STK3: variants seen among roughly 807,000 people sequenced by gnomAD.
STK3 encodes the protein serine/threonine kinase 3, also known as serine/threonine-protein kinase 3.
A neutral mutation model predicts 58.0 loss-of-function variants in STK3; 41 were observed. That is an observed-to-expected ratio of 0.71 (90% CI 0.55 to 0.92). The LOEUF (loss-of-function observed/expected upper bound fraction) is 0.92, where lower values mean the gene tolerates loss of function less well. Ranked by LOEUF, STK3 falls within the 40% of genes least tolerant of loss-of-function variation. The pLI is 0.00. For synonymous variants in STK3, 170 were observed against 191.0 expected (o/e 0.89, Z 0.91); for missense variants, 479 against 602.7 (o/e 0.79, Z 2.15).
chr8:98,589,899 G>T (rs1815120227), intron 7 of STK3, among the ~76,000 whole-genome samples: 1 of 152,230 alleles, frequency 6.6e-6, no homozygotes, highest in Admixed American at 6.5e-5. Flanking sequence ...GACTAGGAAA[G>T]GGAACCCCCT....
intron 10 of STK3, among the ~76,000 whole-genome samples, chr8:98,482,529 C>A (rs1821929989): frequency 6.6e-6 from 1 of 152,124 alleles, no homozygotes; most frequent in African/African-American, 2.4e-5. Flanking sequence ...GTAACTTTGT[C>A]CCCTATGAGA....
chr8:98,851,613 GAAGAA>G (rs1288895179), intron 3 of STK3, among the ~76,000 whole-genome samples: 2 of 152,084 alleles, frequency 1.3e-5, no homozygotes, highest in African/African-American at 4.8e-5. Context: ...GTTAAAAAAA[GAAGAA>G]GAGAAGGAGA....
At chr8:98,567,332 G>T (rs1387929865) in intron 8 of STK3, among the ~76,000 whole-genome samples, 1 of 152,134 alleles carries the variant, frequency 6.6e-6, no homozygotes, top group Non-Finnish European at 1.5e-5. Context: ...TGAGTAGCTG[G>T]GACTACAGGT....
At chr8:98,615,148 T>C (rs531524639) in intron 6 of STK3, among the ~76,000 whole-genome samples, 3 of 151,928 alleles carry the variant, frequency 2.0e-5, no homozygotes, top group Non-Finnish European at 4.4e-5. Context: ...AGTGGGTCCC[T>C]GACCCCTGAC....
chr8:98,363,552 T>C, the STK3 span, among the ~76,000 whole-genome samples: 2 of 152,140 alleles, frequency 1.3e-5, no homozygotes, highest in Admixed American at 6.5e-5. Context: ...AAACAATCAC[T>C]AAGTACCAGA....
intron 7 of STK3, among the ~76,000 whole-genome samples, chr8:98,582,984 T>C (rs1251100951): frequency 6.6e-6 from 1 of 152,166 alleles, no homozygotes; most frequent in Non-Finnish European, 1.5e-5. Flanking sequence ...TATCTTCCTT[T>C]ATATTATGTT....
downstream of STK3, among the ~76,000 whole-genome samples, chr8:98,366,540 G>A (rs750044124): frequency 6.6e-6 from 1 of 152,198 alleles, no homozygotes. Flanking sequence ...GTGAGGTAGG[G>A]ATCTAATGTT....
chr8:98,859,165 G>A lies in STK3; in HGVS notation c.110+24482C>T, dbSNP rs561064582. On this transcript the variant is annotated intron_variant, in intron 3 of 12. Coordinates refer to the STK3 transcript ENST00000523601. ...TTGAGTTAGCCTAGGGTTTCACTAT[G>A]AGAAAAGAATTAACATCAAGGTAGT... is the stretch of plus-strand genomic sequence containing the variant. Among the ~76,000 whole-genome samples the A allele has an allele frequency of 3.3e-5, 5 of 152,264 alleles. No homozygotes were observed. In the South Asian group the frequency reaches 1.0e-3, roughly 32 times the overall value.
At chr8:98,739,456 G>A (rs1828977508) in intron 4 of STK3, among the ~76,000 whole-genome samples, 1 of 150,624 alleles carries the variant, frequency 6.6e-6, no homozygotes, top group African/African-American at 2.5e-5. Context: ...CTGTTCTGCA[G>A]CCACCGCTGC....
At chr8:98,366,491 A>G (rs879836909), downstream of STK3, among the ~76,000 whole-genome samples, 2 of 152,216 alleles carry the variant, frequency 1.3e-5, no homozygotes, top group Admixed American at 6.5e-5. Context: ...TTGAGCATTT[A>G]GGTCCTTAAG....
intron 1 of STK3, among the ~76,000 whole-genome samples, chr8:98,895,586 T>G (rs180967202): frequency 1.3e-5 from 2 of 152,324 alleles, no homozygotes; most frequent in Non-Finnish European, 2.9e-5. Context: ...CTTTCTATGC[T>G]GCTGTCCTTA....
chr8:98,769,167 TAGA>T (rs930138127), intron 2 of STK3, among the ~76,000 whole-genome samples: 25 of 152,366 alleles, frequency 1.6e-4, no homozygotes, highest in Middle Eastern at 6.8e-3. Flanking sequence ...TAGTTTTTGG[TAGA>T]AGAAGTGTTT....
chr8:98,612,480 A>AATAT (rs58699516), intron 6 of STK3, among the ~76,000 whole-genome samples: 79 of 146,610 alleles, frequency 5.4e-4, no homozygotes, highest in African/African-American at 1.7e-3. Flanking sequence ...GAGAGATTCT[A>AATAT]ATATATATAT....
chr8:98,940,229 G>A (rs374524396), intron 1 of STK3, among the ~76,000 whole-genome samples: 13 of 152,212 alleles, frequency 8.5e-5, no homozygotes, highest in East Asian at 5.8e-4. Flanking sequence ...CCTCCCCCGG[G>A]ACCATCCTCA....
At chr8:98,637,908 T>G (rs942884930) in intron 6 of STK3, among the ~76,000 whole-genome samples, 1 of 152,184 alleles carries the variant, frequency 6.6e-6, no homozygotes, top group African/African-American at 2.4e-5. Context: ...TATTCATAAC[T>G]AAAAGCAATA....
At chr8:98,675,037 G>C (rs531126155) in intron 6 of STK3, among the ~76,000 whole-genome samples, 8 of 152,134 alleles carry the variant, frequency 5.3e-5, no homozygotes, top group Non-Finnish European at 8.8e-5. Flanking sequence ...GATGCATGTA[G>C]CCTTCACTGT....
intron 7 of STK3, among the ~76,000 whole-genome samples, chr8:98,594,412 C>G (rs1270758690): frequency 6.6e-6 from 1 of 151,922 alleles, no homozygotes; most frequent in Admixed American, 6.6e-5. Context: ...CCAGCCTGAT[C>G]AACATGGCGA....
chr8:98,660,478 C>A (rs968137652), intron 6 of STK3, among the ~76,000 whole-genome samples: 1 of 151,880 alleles, frequency 6.6e-6, no homozygotes, highest in Non-Finnish European at 1.5e-5. Context: ...GATCTGTGCA[C>A]AATTTTTCTT....
intron 6 of STK3, chr8:98,633,695 C>T (rs185272289): frequency 1.5e-6 from 1 of 688,416 alleles, no homozygotes; most frequent in Admixed American, 2.1e-5. Flanking sequence ...TTAGAGAATA[C>T]AAATCTAAGT....
Sources: allele counts gnomAD v4.1 joint callset (sites outside exome capture counted in the v4.1 genomes callset), GRCh38; gene constraint gnomAD v4.1.1; transcripts MANE v1.5; gene names NCBI Gene and HGNC (gene_info 2026-07-23, HGNC 2026-07-21).